CDIN1: variants seen among roughly 807,000 people sequenced by gnomAD.
CDIN1 encodes the protein CDAN1-interacting nuclease 1.
CDIN1 carries 33 observed loss-of-function variants against 45.3 expected under a neutral mutation model. The observed-to-expected ratio is 0.73, with a 90% CI of 0.55 to 0.97. CDIN1 has a LOEUF of 0.97. Among genes scored for constraint, CDIN1 ranks in the 50% least tolerant of loss-of-function variants. The pLI, the probability that CDIN1 is intolerant of heterozygous loss-of-function variation, is 0.00. For synonymous variants in CDIN1, 118 were observed against 124.4 expected, an observed-to-expected ratio of 0.95 and a Z score of 0.34; for missense variants, 303 against 339.4, an observed-to-expected ratio of 0.89 and a Z score of 0.84.
Position 36,688,766 on chromosome 15 carries a change from A to G in CDIN1, c.347-2919A>G, listed in dbSNP as rs1566901426. 5.3e-5 allele frequency among the ~76,000 whole-genome samples: 8 copies of G among 152,116 alleles called. 1 individual carries two copies. The South Asian group carries it at 1.7e-3, about 32-fold the overall frequency. ...CGCATTTACTTATCTGGTTGATGTT[A>G]TTATTCATTTCTTTGAGATGGCAGT... On this transcript the variant is annotated intron_variant, in intron 5 of 10. Coordinates refer to ENST00000566621, the MANE Select transcript of CDIN1 (RefSeq NM_001321759.2).
At chr15:36,734,574 A>G (rs932554977) in intron 10 of CDIN1, among the ~76,000 whole-genome samples, 3 of 151,834 alleles carry the variant, frequency 2.0e-5, no homozygotes, top group Non-Finnish European at 4.4e-5. Context: ...TTACATCGTC[A>G]CCTCAGCCTG....
chr15:36,646,271 A>G (rs1056480043), intron 3 of CDIN1, among the ~76,000 whole-genome samples: 3 of 152,336 alleles, frequency 2.0e-5, no homozygotes, highest in East Asian at 3.9e-4. Flanking sequence ...TAATCATTTT[A>G]TTTAGAATCA....
chr15:36,642,152 AC>A (rs1208282707), intron 1 of CDIN1, among the ~76,000 whole-genome samples: 1 of 152,122 alleles, frequency 6.6e-6, no homozygotes, highest in African/African-American at 2.4e-5. Flanking sequence ...CAGCATTAAC[AC>A]GTTGGAAGAA....
At chr15:36,581,308 T>G (rs1330064508) in intron 1 of CDIN1, among the ~76,000 whole-genome samples, 1 of 152,222 alleles carries the variant, frequency 6.6e-6, no homozygotes. Flanking sequence ...CTTTTTTTTC[T>G]CTTCCTCTCC....
chr15:36,808,403 A>G lies in CDIN1; in HGVS notation c.796A>G (p.Lys266Glu). 6.2e-7 allele frequency: 1 copy of G among 1,613,648 alleles called. No individual in the cohort carries two copies. The highest frequency in any genetic ancestry group is 8.5e-7 in the Non-Finnish European group (1 of 1,179,658). ...CAACCGGGAAAGGGGCATCCTGCTC[A>G]AAGCCTGTTTCCCCACGAACATTGT... ...DCNRERGILLKACFPTNIVTL... is the reference protein window; with the variant it reads ...DCNRERGILLEACFPTNIVTL... Residue 266 changes from lysine (K) to glutamate (E), a missense_variant, in exon 11 of 11, where the codon AAA (lysine) becomes GAA (glutamate). Lys to Glu is a moderately conservative substitution (Grantham distance 56). Transcript: ENST00000566621.
At chr15:36,686,393 C>T (rs71468820) in intron 5 of CDIN1, among the ~76,000 whole-genome samples, 12,558 of 125,880 alleles carry the variant, frequency 0.1, 825 homozygotes, top group South Asian at 0.24. Context: ...GGGAACATCA[C>T]ACTCTGGGGA....
rs368910924 is a variant in CDIN1 at position 36,808,446 on chromosome 15, T to C, written c.839T>C (p.Ile280Thr). 2 of 1,613,334 alleles carry C rather than the reference T, an allele frequency of 1.2e-6. No individual in the cohort carries two copies. Among genetic ancestry groups the C allele is most frequent in the East Asian group, 2.2e-5 (1 of 44,888 alleles). ...AACATTGTCACCTTATGCCACAGCA[T>C]AGCTTGACCCTGAAGATCCTGGAAG... ...PTNIVTLCHSIA is the reference protein window; with the variant it reads ...PTNIVTLCHSTA The change falls in exon 11 of 11, where the codon ATA becomes ACA. Residue 280 changes from isoleucine to threonine, a missense_variant. Coordinates refer to ENST00000566621, the MANE Select transcript of CDIN1 (RefSeq NM_001321759.2).
At chr15:36,702,058 A>C in intron 8 of CDIN1, 1 of 702,250 alleles carries the variant, frequency 1.4e-6, no homozygotes, top group Non-Finnish European at 2.6e-6. Context: ...TTAGAATACC[A>C]AGACTGTGTG....
rs2054768520 is a variant in CDIN1, at chr15:36,795,376, C to A, written c.717-12948C>A. 3.3e-5 allele frequency among the ~76,000 whole-genome samples: 5 copies of A among 152,260 alleles called. No homozygotes were observed. The South Asian group carries it at 1.0e-3, about 32-fold the overall frequency. Reference sequence around the variant, plus strand: ...ATCTGGATCATTACACATTCTATCACATGTACCCTATAAATACACAAAATT... The same window carrying A: ...ATCTGGATCATTACACATTCTATCAAATGTACCCTATAAATACACAAAATT... On this transcript the variant is annotated intron_variant, in intron 10 of 10. Coordinates refer to ENST00000566621, the MANE Select transcript of CDIN1 (RefSeq NM_001321759.2).
At chr15:36,604,433 A>G (rs62002269) in intron 1 of CDIN1, among the ~76,000 whole-genome samples, 4,602 of 151,232 alleles carry the variant, frequency 0.03, 77 homozygotes, top group South Asian at 0.043. Flanking sequence ...ACACACACAC[A>G]CACACACACA....
chr15:36,761,902 G>T (rs1162237160), intron 10 of CDIN1, among the ~76,000 whole-genome samples: 1 of 152,174 alleles, frequency 6.6e-6, no homozygotes, highest in Admixed American at 6.5e-5. Context: ...AATTGCAAAT[G>T]ACTAACACTA....
intron 1 of CDIN1, chr15:36,640,667 A>G: frequency 2.0e-6 from 2 of 984,870 alleles, no homozygotes; most frequent in Non-Finnish European, 2.4e-6. Context: ...AAGGTTCTGC[A>G]TGCTTTAGCT....
chr15:36,633,222 T>G (rs909465285), intron 1 of CDIN1, among the ~76,000 whole-genome samples: 1 of 152,218 alleles, frequency 6.6e-6, no homozygotes, highest in Non-Finnish European at 1.5e-5. Flanking sequence ...TGCTTTTTAC[T>G]TTTACACAAA....
intron 10 of CDIN1, among the ~76,000 whole-genome samples, chr15:36,714,967 G>T (rs961480656): frequency 6.6e-6 from 1 of 152,168 alleles, no homozygotes; most frequent in African/African-American, 2.4e-5. Flanking sequence ...TTACTTCATG[G>T]ATTCAGATAT....
intron 8 of CDIN1, among the ~76,000 whole-genome samples, chr15:36,703,388 G>GATAT (rs1566915028): frequency 2.6e-4 from 3 of 11,612 alleles, no homozygotes; most frequent in Non-Finnish European, 4.8e-4. Context: ...ATATATATCA[G>GATAT]ATATATATAT....
chr15:36,737,040 C>T (rs377472409), intron 10 of CDIN1, among the ~76,000 whole-genome samples: 102 of 151,810 alleles, frequency 6.7e-4, no homozygotes, highest in African/African-American at 2.0e-3. Flanking sequence ...TGGTGGCACA[C>T]GCCTGTAATC....
chr15:36,659,384 T>C (rs1207998954), intron 5 of CDIN1, among the ~76,000 whole-genome samples: 1 of 152,136 alleles, frequency 6.6e-6, no homozygotes, highest in Admixed American at 6.5e-5. Flanking sequence ...ATAATTCCAA[T>C]GCTAGGATTA....
chr15:36,630,240 G>A (rs2140346797), intron 1 of CDIN1, among the ~76,000 whole-genome samples: 1 of 152,276 alleles, frequency 6.6e-6, no homozygotes, highest in Middle Eastern at 3.4e-3. Flanking sequence ...GCTACAGTAG[G>A]CCCACATAAA....
chr15:36,738,829 G>A (rs2044127899), intron 10 of CDIN1, among the ~76,000 whole-genome samples: 1 of 152,116 alleles, frequency 6.6e-6, no homozygotes, highest in African/African-American at 2.4e-5. Context: ...AGTTTCACAA[G>A]GACAGGGATT....
Sources: allele counts gnomAD v4.1 joint callset (sites outside exome capture counted in the v4.1 genomes callset), GRCh38; gene constraint gnomAD v4.1.1; transcripts MANE v1.5; gene names NCBI Gene and HGNC (gene_info 2026-07-23, HGNC 2026-07-21).